The following DLG2 variants were observed in gnomAD, a reference collection of about 807,000 sequenced individuals.
DLG2 encodes the protein disks large homolog 2.
Under a neutral mutation model 132.5 loss-of-function variants are expected in DLG2, and 45 were observed. The observed-to-expected ratio is 0.34, with a 90% CI of 0.27 to 0.44. The LOEUF (loss-of-function observed/expected upper bound fraction) is 0.44, where lower values mean the gene tolerates loss of function less well. Ranked by LOEUF, DLG2 falls within the 20% of genes least tolerant of loss-of-function variation. The pLI, the probability that DLG2 is intolerant of heterozygous loss-of-function variation, is 1.00. For missense variants in DLG2, 1,045 were observed against 1,196.9 expected (o/e 0.87, Z 1.87); for synonymous variants, 424 against 419.6 (o/e 1.01, Z -0.13).
At chr11:84,225,084 T>C (rs1447214620) in intron 8 of DLG2, among the ~76,000 whole-genome samples, 1 of 152,216 alleles carries the variant, frequency 6.6e-6, no homozygotes, top group Non-Finnish European at 1.5e-5. Flanking sequence ...TGTTTACATA[T>C]CTTTATCATC....
At chr11:84,655,556 C>G (rs537582333) in intron 6 of DLG2, among the ~76,000 whole-genome samples, 77 of 152,064 alleles carry the variant, frequency 5.1e-4, no homozygotes, top group African/African-American at 1.8e-3. Flanking sequence ...AGAAAGGGCC[C>G]AGATCTGGAG....
At chr11:85,430,392 A>T (rs1041693965) in intron 3 of DLG2, among the ~76,000 whole-genome samples, 6 of 152,270 alleles carry the variant, frequency 3.9e-5, no homozygotes, top group African/African-American at 1.2e-4. Flanking sequence ...TACATGATTG[A>T]AATGTTAATT....
chr11:85,352,925 G>A, intron 3 of DLG2, among the ~76,000 whole-genome samples: 1 of 152,178 alleles, frequency 6.6e-6, no homozygotes, highest in Non-Finnish European at 1.5e-5. Context: ...ACATAGGCAT[G>A]TGCAAGGACT....
At chr11:84,744,419 C>T (rs767805307) in intron 6 of DLG2, among the ~76,000 whole-genome samples, 7 of 152,074 alleles carry the variant, frequency 4.6e-5, no homozygotes, top group Non-Finnish European at 1.0e-4. Flanking sequence ...CAAATTTCTG[C>T]ATGAAAGAAA....
intron 5 of DLG2, among the ~76,000 whole-genome samples, chr11:85,146,227 C>CCTCCCTCTCTCT (rs1555384685): frequency 7.7e-6 from 1 of 129,110 alleles, no homozygotes; most frequent in Non-Finnish European, 1.6e-5. Context: ...TCTGTTTCTC[C>CCTCCCTCTCTCT]CTCTCTCTCT....
At chr11:84,328,905 C>T (rs1283500840) in intron 7 of DLG2, among the ~76,000 whole-genome samples, 1 of 152,128 alleles carries the variant, frequency 6.6e-6, no homozygotes, top group African/African-American at 2.4e-5. Flanking sequence ...TGTATTTATG[C>T]ATTTTATTCA....
intron 18 of DLG2, among the ~76,000 whole-genome samples, chr11:83,646,105 A>G (rs2153500998): frequency 6.6e-6 from 1 of 152,302 alleles, no homozygotes; most frequent in South Asian, 2.1e-4. Context: ...GAGCTTATCA[A>G]GCTAGCTCGG....
chr11:83,573,465 C>T (rs933917840), intron 19 of DLG2, among the ~76,000 whole-genome samples: 1 of 152,114 alleles, frequency 6.6e-6, no homozygotes, highest in African/African-American at 2.4e-5. Context: ...ATATCAAAGT[C>T]TATTTACTAC....
chr11:85,102,892 C>T (rs2071101211), intron 6 of DLG2, among the ~76,000 whole-genome samples: 1 of 151,890 alleles, frequency 6.6e-6, no homozygotes, highest in African/African-American at 2.4e-5. Flanking sequence ...ATAAAATTTT[C>T]TAAAAAGCTA....
chr11:84,040,750 C>T (rs1286244526), intron 11 of DLG2, among the ~76,000 whole-genome samples: 6 of 150,178 alleles, frequency 4.0e-5, no homozygotes, highest in Non-Finnish European at 7.5e-5. Flanking sequence ...TTTTCCAATT[C>T]TGTGAAGAAA....
intron 7 of DLG2, among the ~76,000 whole-genome samples, chr11:84,485,289 G>T (rs1459798487): frequency 6.6e-6 from 1 of 151,894 alleles, no homozygotes; most frequent in Non-Finnish European, 1.5e-5. Flanking sequence ...TTATTCATTA[G>T]CAATAACAAA....
At chr11:85,471,821 G>T (rs535633597) in intron 3 of DLG2, among the ~76,000 whole-genome samples, 34 of 152,110 alleles carry the variant, frequency 2.2e-4, no homozygotes, top group African/African-American at 8.0e-4. Flanking sequence ...TTGATAAAAA[G>T]ACATGATTTT....
chr11:83,753,837 T>TATATA (rs2093487701), intron 18 of DLG2, among the ~76,000 whole-genome samples: 6 of 11,074 alleles, frequency 5.4e-4, no homozygotes, highest in African/African-American at 2.3e-3. Context: ...ATATATATGA[T>TATATA]ATATATCATA....
chr11:84,844,103 G>A (rs886296137), intron 6 of DLG2, among the ~76,000 whole-genome samples: 6 of 81,002 alleles, frequency 7.4e-5, no homozygotes, highest in African/African-American at 9.5e-5. Context: ...ATATATATAT[G>A]TTTGTGTGTG....
intron 6 of DLG2, among the ~76,000 whole-genome samples, chr11:84,791,734 T>C (rs970100099): frequency 3.3e-5 from 5 of 152,314 alleles, no homozygotes; most frequent in African/African-American, 9.6e-5. Flanking sequence ...CTTTTTCTGA[T>C]TGTTCAGTGT....
At chr11:85,236,228 G>T (rs549530638) in intron 4 of DLG2, among the ~76,000 whole-genome samples, 13 of 152,032 alleles carry the variant, frequency 8.6e-5, no homozygotes, top group Middle Eastern at 3.4e-3. Context: ...TTAAAAAGCT[G>T]CCACTCGTCC....
intron 3 of DLG2, among the ~76,000 whole-genome samples, chr11:85,424,926 C>A (rs1188268870): frequency 3.9e-5 from 6 of 152,050 alleles, no homozygotes; most frequent in Non-Finnish European, 8.8e-5. Context: ...TTGCTTAAGC[C>A]ACCCTATCTA....
chr11:83,677,243 C>G (rs539006154), intron 18 of DLG2, among the ~76,000 whole-genome samples: 1 of 152,120 alleles, frequency 6.6e-6, no homozygotes, highest in East Asian at 1.9e-4. Context: ...CATGCTTTGT[C>G]TTGCTTTTGT....
chr11:85,393,805 A>G (rs1419664466), intron 3 of DLG2, among the ~76,000 whole-genome samples: 1 of 152,142 alleles, frequency 6.6e-6, no homozygotes, highest in Non-Finnish European at 1.5e-5. Flanking sequence ...GTAACTCAGG[A>G]ATAGAAAAAC....
Sources: gnomAD v4.1 joint callset for allele counts (sites outside exome capture counted in the v4.1 genomes callset) on GRCh38, gnomAD v4.1.1 for gene constraint, MANE v1.5 for transcripts, NCBI Gene and HGNC (gene_info 2026-07-23, HGNC 2026-07-21) for gene names.